Variants in ST7 observed in about 807,000 individuals in gnomAD.
ST7 encodes suppressor of tumorigenicity 7 protein.
ST7 carries 28 observed loss-of-function variants against 78.7 expected under a neutral mutation model. The observed-to-expected ratio is 0.36, with a 90% confidence interval of 0.26 to 0.49. The LOEUF (loss-of-function observed/expected upper bound fraction) is 0.49. ST7 is among the 20% of genes least tolerant of loss of function. The pLI, the probability that ST7 is intolerant of heterozygous loss-of-function variation, is 0.99. For synonymous variants in ST7, 247 were observed against 249.6 expected (o/e 0.99, Z 0.10); for missense variants, 418 against 696.0 (o/e 0.60, Z 4.49).
At chr7:117,173,858 A>T (rs1808177278) in intron 10 of ST7, among the ~76,000 whole-genome samples, 1 of 152,050 alleles carries the variant, frequency 6.6e-6, no homozygotes, top group African/African-American at 2.4e-5. Flanking sequence ...ACACAATGGG[A>T]TTAGTTCTGC....
At chr7:117,114,603 T>C (rs982302748) in intron 2 of ST7, among the ~76,000 whole-genome samples, 83 of 152,328 alleles carry the variant, frequency 5.4e-4, no homozygotes, top group African/African-American at 1.9e-3. Flanking sequence ...GTTTCAAGCT[T>C]TGACATCTTT....
intron 13 of ST7, among the ~76,000 whole-genome samples, chr7:117,214,338 G>A (rs1282807117): frequency 6.6e-6 from 1 of 152,134 alleles, no homozygotes; most frequent in African/African-American, 2.4e-5. Context: ...TTTGAGGATG[G>A]TGTTTTTTAG....
At chr7:116,978,452 G>T (rs529224885) in intron 1 of ST7, among the ~76,000 whole-genome samples, 3 of 152,172 alleles carry the variant, frequency 2.0e-5, no homozygotes, top group Non-Finnish European at 4.4e-5. Flanking sequence ...CTAGAACTTT[G>T]TTTAGGGATA....
chr7:116,987,131 G>A (rs1794224131), intron 1 of ST7, among the ~76,000 whole-genome samples: 1 of 152,184 alleles, frequency 6.6e-6, no homozygotes, highest in African/African-American at 2.4e-5. Context: ...TCTTCTGGCA[G>A]ACAAAGTAAG....
chr7:117,160,232 C>CAA (rs572498971), intron 9 of ST7, among the ~76,000 whole-genome samples: 19 of 113,748 alleles, frequency 1.7e-4, no homozygotes, highest in Admixed American at 1.3e-3. Context: ...AACTGTGTCT[C>CAA]AAAAAAAAAA....
intron 1 of ST7, among the ~76,000 whole-genome samples, chr7:117,060,748 G>A (rs1186461492): frequency 1.3e-5 from 2 of 152,152 alleles, no homozygotes; most frequent in Non-Finnish European, 2.9e-5. Flanking sequence ...GCTTACACCT[G>A]TAATCCTAGC....
chr7:117,129,894 G>A (rs534149265), intron 4 of ST7, 47 bp downstream of exon 4: 3 of 1,488,618 alleles, frequency 2.0e-6, no homozygotes, highest in Admixed American at 1.9e-5. Flanking sequence ...GGTTCAGAGA[G>A]CAAAGACAGC....
intron 1 of ST7, among the ~76,000 whole-genome samples, chr7:116,958,000 T>C (rs946939803): frequency 1.1e-4 from 17 of 152,184 alleles, no homozygotes; most frequent in African/African-American, 3.6e-4. Flanking sequence ...TATTTACTTA[T>C]GTTTGAGACA....
At chr7:117,097,908 ATTTT>A (rs751549285) in intron 1 of ST7, among the ~76,000 whole-genome samples, 642 of 29,896 alleles carry the variant, frequency 0.021, 18 homozygotes, top group Non-Finnish European at 0.027. Context: ...ATATATATAT[ATTTT>A]TTTTTTTTTT....
chr7:117,099,296 A>G (rs528355183), intron 1 of ST7, among the ~76,000 whole-genome samples: 2 of 152,130 alleles, frequency 1.3e-5, no homozygotes, highest in African/African-American at 4.8e-5. Flanking sequence ...ACCATAGTAT[A>G]ATAATCTTTA....
chr7:117,134,589 T>C (rs1323923751), intron 7 of ST7, among the ~76,000 whole-genome samples: 1 of 152,036 alleles, frequency 6.6e-6, no homozygotes, highest in Non-Finnish European at 1.5e-5. Context: ...TACAATCTTA[T>C]AGCTAATTCC....
At chr7:117,060,440 A>T (rs1291885683) in intron 1 of ST7, among the ~76,000 whole-genome samples, 1 of 152,212 alleles carries the variant, frequency 6.6e-6, no homozygotes, top group African/African-American at 2.4e-5. Flanking sequence ...AAGTGATGCT[A>T]CATCAACATG....
chr7:117,123,689 A>G (rs1446281186), intron 3 of ST7, among the ~76,000 whole-genome samples: 1 of 152,170 alleles, frequency 6.6e-6, no homozygotes. Flanking sequence ...AGCTGATGAT[A>G]AATAGGCATT....
chr7:117,094,062 G>A (rs1800841510), intron 1 of ST7, among the ~76,000 whole-genome samples: 1 of 152,156 alleles, frequency 6.6e-6, no homozygotes, highest in Non-Finnish European at 1.5e-5. Flanking sequence ...AAGACACACA[G>A]CTGTCCTGAT....
chr7:116,962,004 C>G (rs895046775), intron 1 of ST7, among the ~76,000 whole-genome samples: 2 of 149,596 alleles, frequency 1.3e-5, no homozygotes, highest in Non-Finnish European at 3.0e-5. Context: ...TCTCATTGTT[C>G]AACTCTGACT....
intron 6 of ST7, among the ~76,000 whole-genome samples, chr7:117,132,887 C>A (rs762150493): frequency 5.3e-5 from 8 of 151,784 alleles, no homozygotes; most frequent in Non-Finnish European, 8.8e-5. Flanking sequence ...TAGAAACTAC[C>A]CTCCAGGTTC....
At chr7:117,156,698 A>C (rs1001384373) in intron 9 of ST7, among the ~76,000 whole-genome samples, 1 of 152,206 alleles carries the variant, frequency 6.6e-6, no homozygotes. Context: ...TGGAAAGGCA[A>C]GAGTAAAACC....
intron 1 of ST7, among the ~76,000 whole-genome samples, chr7:117,047,078 A>G (rs772840353): frequency 1.2e-4 from 18 of 152,198 alleles, no homozygotes; most frequent in Non-Finnish European, 2.1e-4. Flanking sequence ...TTTGTACTAC[A>G]TGGTCTTGGA....
chr7:117,171,286 C>A (rs1807970696), intron 10 of ST7, among the ~76,000 whole-genome samples: 1 of 152,152 alleles, frequency 6.6e-6, no homozygotes, highest in Non-Finnish European at 1.5e-5. Flanking sequence ...CACCCAGAAC[C>A]TCACAGGCAG....
Sources: allele counts gnomAD v4.1 joint callset (sites outside exome capture counted in the v4.1 genomes callset), GRCh38; gene constraint gnomAD v4.1.1; transcripts MANE v1.5; gene names NCBI Gene and HGNC (gene_info 2026-07-23, HGNC 2026-07-21).